MAST4: variants seen among roughly 807,000 people sequenced by gnomAD.
MAST4 encodes microtubule associated serine/threonine kinase family member 4, also known as microtubule-associated serine/threonine-protein kinase 4.
A neutral mutation model predicts 162.7 loss-of-function variants in MAST4; 89 were observed. The ratio of observed to expected loss-of-function variants is 0.55; its 90% CI spans 0.46 to 0.65. The LOEUF (loss-of-function observed/expected upper bound fraction) is 0.65. Ranked by LOEUF, MAST4 falls within the 30% of genes least tolerant of loss-of-function variation. The probability of loss-of-function intolerance (pLI) is 0.00; values close to 1 mark genes in which losing one functional copy is unlikely to be tolerated. For missense variants in MAST4, 3,153 were observed against 3,374.0 expected (o/e 0.93, Z 1.62); for synonymous variants, 1,479 against 1,361.1 (o/e 1.09, Z -1.91).
intron 5 of MAST4, among the ~76,000 whole-genome samples, chr5:67,070,159 TATC>T (rs955077365): frequency 4.6e-5 from 7 of 152,192 alleles, no homozygotes; most frequent in African/African-American, 1.7e-4. Flanking sequence ...AAATGTGGGT[TATC>T]ATTTCATTTG....
Position 67,117,184 on chromosome 5 carries a change from G to T in MAST4, c.1592-1498G>T, listed in dbSNP as rs1767019504. ...TACTAATTTTTGCCCCTTTCCTTGA[G>T]ATCCCTTCCAACTAGATGCATTTTA... On this transcript the variant is annotated intron_variant, in intron 12 of 28. Transcript: ENST00000403625. Among the ~76,000 whole-genome samples the T allele has an allele frequency of 2.0e-5, 3 of 152,190 alleles. No individual in the cohort carries two copies. In the South Asian group the frequency reaches 6.2e-4, roughly 32 times the overall value.
chr5:66,833,897 C>T (rs1402983497), intron 3 of MAST4, among the ~76,000 whole-genome samples: 1 of 152,116 alleles, frequency 6.6e-6, no homozygotes, highest in African/African-American at 2.4e-5. Context: ...CATTGAATAG[C>T]TCTGTAACTT....
intron 4 of MAST4, among the ~76,000 whole-genome samples, chr5:66,927,557 C>T (rs983826063): frequency 7.2e-5 from 11 of 152,154 alleles, no homozygotes; most frequent in Admixed American, 3.3e-4. Context: ...GAAGTCTGCA[C>T]GGCTGGAGCC....
At chr5:66,825,540 C>T (rs1757209273) in intron 3 of MAST4, among the ~76,000 whole-genome samples, 2 of 151,352 alleles carry the variant, frequency 1.3e-5, no homozygotes, top group South Asian at 4.2e-4. Context: ...TACAAAATCT[C>T]AATATACGCT....
intron 4 of MAST4, among the ~76,000 whole-genome samples, chr5:66,952,793 A>G (rs1744860004): frequency 6.6e-6 from 1 of 151,382 alleles, no homozygotes; most frequent in Non-Finnish European, 1.5e-5. Flanking sequence ...TGACCTGGCA[A>G]TTTTCATCCT....
intron 4 of MAST4, chr5:67,004,830 A>G (rs757515775): frequency 1.7e-6 from 1 of 598,530 alleles, no homozygotes. Context: ...ACATGCTCCA[A>G]GTTGTTCTTG....
intron 1 of MAST4, among the ~76,000 whole-genome samples, chr5:66,691,631 T>C (rs1749046328): frequency 6.6e-6 from 1 of 152,168 alleles, no homozygotes; most frequent in Non-Finnish European, 1.5e-5. Context: ...GCCCATGTTC[T>C]GGTTCATGGA....
intron 21 of MAST4, 73 bp from the exon 22 acceptor site, chr5:67,144,594 TCC>T (rs1206546874): frequency 6.8e-7 from 1 of 1,477,860 alleles, no homozygotes; most frequent in Non-Finnish European, 9.3e-7. Context: ...CAGGTTTTTC[TCC>T]CAAGACTTGG....
At chr5:66,877,604 C>T (rs917244985) in intron 3 of MAST4, among the ~76,000 whole-genome samples, 22 of 151,954 alleles carry the variant, frequency 1.4e-4, no homozygotes, top group Admixed American at 2.6e-4. Flanking sequence ...ATGGTACCAC[C>T]GGCACGGGCC....
intron 6 of MAST4, chr5:67,094,220 A>G: frequency 7.8e-7 from 1 of 1,279,424 alleles, no homozygotes; most frequent in Non-Finnish European, 1.1e-6. Flanking sequence ...GTCCACTTGA[A>G]TTTTTCCGTC....
At chr5:66,670,385 A>G (rs931085466) in intron 1 of MAST4, among the ~76,000 whole-genome samples, 1 of 152,116 alleles carries the variant, frequency 6.6e-6, no homozygotes. Context: ...AATTTGCAAT[A>G]ATTTACCAAC....
At chr5:67,140,369 G>C (rs930097506) in intron 19 of MAST4, among the ~76,000 whole-genome samples, 2 of 152,208 alleles carry the variant, frequency 1.3e-5, no homozygotes. Flanking sequence ...TTGTGCATAC[G>C]GACATTGATT....
chr5:67,081,299 G>A (rs958619654), intron 5 of MAST4, among the ~76,000 whole-genome samples: 1 of 151,068 alleles, frequency 6.6e-6, no homozygotes, highest in Admixed American at 6.7e-5. Context: ...ATACCTGTGG[G>A]CATTTGGGAC....
chr5:66,923,887 T>C (rs34943070), intron 4 of MAST4, among the ~76,000 whole-genome samples: 1,642 of 152,306 alleles, frequency 0.011, 23 homozygotes, highest in Middle Eastern at 0.037. Context: ...AAAGCTATCA[T>C]TCAATTATTG....
intron 4 of MAST4, among the ~76,000 whole-genome samples, chr5:66,910,755 CTT>C (rs1157602201): frequency 3.5e-5 from 1 of 28,882 alleles, no homozygotes; most frequent in Non-Finnish European, 8.4e-5. Flanking sequence ...TTTTTTTTTT[CTT>C]TTTTTTTTTT....
intron 2 of MAST4, among the ~76,000 whole-genome samples, chr5:66,774,516 A>G (rs27968): frequency 0.15 from 23,163 of 152,166 alleles, 2,074 homozygotes; most frequent in East Asian, 0.45. Context: ...CCTTCATGTT[A>G]CTTTTGCTGA....
intron 1 of MAST4, among the ~76,000 whole-genome samples, chr5:66,752,034 C>G (rs986693598): frequency 1.3e-4 from 20 of 152,008 alleles, no homozygotes; most frequent in Non-Finnish European, 1.6e-4. Flanking sequence ...ATTTCATATC[C>G]AGCCAAACTA....
At chr5:66,609,569 T>TA (rs1561210570) in intron 1 of MAST4, among the ~76,000 whole-genome samples, 1 of 151,322 alleles carries the variant, frequency 6.6e-6, no homozygotes, top group African/African-American at 2.4e-5. Flanking sequence ...TTTTTTTTTT[T>TA]AAATACTGGG....
chr5:67,168,711 T>C lies in MAST4; in HGVS notation c.*1660T>C, dbSNP rs530648297. 2 of 152,326 alleles carry C rather than the reference T, an allele frequency of 1.3e-5. No homozygotes were observed. Among genetic ancestry groups the C allele is most frequent in the African/African-American group, 4.8e-5 (2 of 41,578 alleles). 9.4% of individuals were successfully genotyped at this position (152,326 alleles called of 1,614,324 possible). A position where few individuals can be genotyped will look rare whatever the true frequency, so the allele number is the denominator to read the frequency against. On this transcript the variant is annotated 3_prime_UTR_variant, in exon 29 of 29. Transcript: ENST00000403625. ...TAACTGATCTAGCACCCAAACTCTC[T>C]TGGGGGATGTCTTAGTATCTTCACG...
Sources: allele counts gnomAD v4.1 joint callset (sites outside exome capture counted in the v4.1 genomes callset), GRCh38; gene constraint gnomAD v4.1.1; transcripts MANE v1.5; gene names NCBI Gene and HGNC (gene_info 2026-07-23, HGNC 2026-07-21).